ANKRD28: variants seen among roughly 807,000 people sequenced by gnomAD.
The protein encoded by ANKRD28 is ankyrin repeat domain 28, also known as serine/threonine-protein phosphatase 6 regulatory ankyrin repeat subunit A.
A neutral mutation model predicts 126.5 loss-of-function variants in ANKRD28; 44 were observed. That is an observed-to-expected ratio of 0.35 (90% CI 0.27 to 0.45). The LOEUF (loss-of-function observed/expected upper bound fraction) is 0.45, where lower values mean the gene tolerates loss of function less well. ANKRD28 is among the 20% of genes least tolerant of loss of function. The pLI, the probability that ANKRD28 is intolerant of heterozygous loss-of-function variation, is 1.00. For synonymous variants in ANKRD28, 442 were observed against 468.5 expected (o/e 0.94, Z 0.73); for missense variants, 1,110 against 1,316.6 (o/e 0.84, Z 2.43).
chr3:15,751,797 T>G lies in ANKRD28; in HGVS notation c.304A>C (p.Ser102Arg), dbSNP rs2057878356. Residue 102 changes from serine (S) to arginine (R), a missense_variant, in exon 4 of 28, where the codon AGC (serine) becomes CGC (arginine). Coordinates refer to ENST00000683139, the MANE Select transcript of ANKRD28 (RefSeq NM_001349278.2). ...LSGARVNAKD[S>R]KWLTPLHRAV... ...CTGTGTAAAGGTGTCAACCATTTGCTGTCTTTGGCATTAACTCTAGCTCCT... is the reference window on the plus strand; with the variant it reads ...CTGTGTAAAGGTGTCAACCATTTGCGGTCTTTGGCATTAACTCTAGCTCCT... 1 of 1,587,256 alleles carries G rather than the reference T, an allele frequency of 6.3e-7. No individual in the cohort carries two copies.
chr3:15,680,841 A>AT (rs2067465815), intron 21 of ANKRD28, among the ~76,000 whole-genome samples: 1 of 152,020 alleles, frequency 6.6e-6, no homozygotes, highest in African/African-American at 2.4e-5. Flanking sequence ...TAATTTTTTG[A>AT]TATTTTGTAG....
chr3:15,714,449 T>C, intron 9 of ANKRD28, 129 bp downstream of exon 9: 2 of 677,274 alleles, frequency 3.0e-6, no homozygotes, highest in South Asian at 4.1e-5. Flanking sequence ...TCATGAGCTC[T>C]GAAATCATGT....
chr3:15,813,382 A>T (rs966074357), intron 1 of ANKRD28, among the ~76,000 whole-genome samples: 3 of 152,202 alleles, frequency 2.0e-5, no homozygotes, highest in African/African-American at 7.2e-5. Flanking sequence ...AAAAACAAAA[A>T]CCAAAACCCC....
intron 1 of ANKRD28, among the ~76,000 whole-genome samples, chr3:15,836,714 C>A (rs1228593452): frequency 1.3e-5 from 2 of 152,108 alleles, no homozygotes; most frequent in East Asian, 1.9e-4. Flanking sequence ...AAAAAAGTTA[C>A]TGGAGACAAA....
chr3:15,810,601 C>A (rs1341126697), intron 1 of ANKRD28, among the ~76,000 whole-genome samples: 2 of 151,614 alleles, frequency 1.3e-5, no homozygotes, highest in Admixed American at 1.3e-4. Flanking sequence ...ACAAAATAAT[C>A]TTAATTACGT....
At chr3:15,688,827 C>T (rs187821779) in intron 18 of ANKRD28, among the ~76,000 whole-genome samples, 32 of 152,302 alleles carry the variant, frequency 2.1e-4, no homozygotes, top group Admixed American at 3.3e-4. Context: ...CATAATATCA[C>T]AATATGGAAT....
intron 2 of ANKRD28, among the ~76,000 whole-genome samples, chr3:15,780,191 C>T (rs9823153): frequency 0.72 from 109,906 of 151,980 alleles, 39,960 homozygotes; most frequent in East Asian, 0.93. Context: ...CAAAAAATGA[C>T]TGAAACTGAC....
chr3:15,719,723 A>AT (rs575358346), intron 8 of ANKRD28, among the ~76,000 whole-genome samples: 24 of 149,196 alleles, frequency 1.6e-4, no homozygotes, highest in East Asian at 7.9e-4. Context: ...ATAATTTTTA[A>AT]TTTTTTTTTT....
chr3:15,685,026 TGAC>T, intron 21 of ANKRD28, 197 bp downstream of exon 21: 1 of 589,902 alleles, frequency 1.7e-6, no homozygotes, highest in Non-Finnish European at 3.0e-6. Flanking sequence ...AGAACACCTT[TGAC>T]AACTAGTGTC....
chr3:15,776,136 A>G (rs2059255508), intron 2 of ANKRD28, among the ~76,000 whole-genome samples: 1 of 152,226 alleles, frequency 6.6e-6, no homozygotes, highest in Non-Finnish European at 1.5e-5. Context: ...ACTTTACCAT[A>G]TCGTACACTA....
At chr3:15,848,188 GGTGA>G (rs2061566210) in intron 1 of ANKRD28, among the ~76,000 whole-genome samples, 1 of 152,104 alleles carries the variant, frequency 6.6e-6, no homozygotes. Context: ...TTCAAACTTA[GGTGA>G]AAACTCAAAA....
rs572915076 is a variant in ANKRD28 at position 15,785,067 on chromosome 3, C to T, written c.201+10156G>A. Among the ~76,000 whole-genome samples the T allele has an allele frequency of 2.8e-4, 42 of 152,206 alleles. 1 individual carries two copies. In the South Asian group the frequency reaches 8.7e-3, roughly 32 times the overall value. On this transcript the variant is annotated intron_variant, in intron 2 of 27. Coordinates refer to ENST00000683139, the MANE Select transcript of ANKRD28 (RefSeq NM_001349278.2). ...CTACCCATAACCCACATCTCAGCCC[C>T]ATGGCAGGTACCTGTGCCCAAACTA...
intron 1 of ANKRD28, among the ~76,000 whole-genome samples, chr3:15,852,556 G>A (rs543302440): frequency 7.2e-5 from 11 of 152,100 alleles, no homozygotes; most frequent in South Asian, 2.1e-4. Flanking sequence ...AACTTACGCC[G>A]GGCATGGTGG....
intron 4 of ANKRD28, among the ~76,000 whole-genome samples, chr3:15,742,494 C>T (rs1444072701): frequency 4.3e-4 from 60 of 140,820 alleles, no homozygotes; most frequent in African/African-American, 1.4e-3. Flanking sequence ...GGAGACCCTC[C>T]GCCTGGCAAC....
intron 13 of ANKRD28, among the ~76,000 whole-genome samples, chr3:15,709,454 G>T (rs1452518099): frequency 1.3e-5 from 2 of 152,146 alleles, no homozygotes; most frequent in Admixed American, 6.6e-5. Context: ...CCAAGGCTGT[G>T]GTTGGTAGGC....
At chr3:15,757,424 G>T (rs2058222886) in intron 3 of ANKRD28, among the ~76,000 whole-genome samples, 1 of 152,022 alleles carries the variant, frequency 6.6e-6, no homozygotes, top group Admixed American at 6.5e-5. Context: ...ATCCTATTTT[G>T]GAATATTCAG....
chr3:15,692,144 T>TAAA (rs908039642), intron 17 of ANKRD28, among the ~76,000 whole-genome samples: 23 of 98,892 alleles, frequency 2.3e-4, no homozygotes, highest in East Asian at 1.7e-3. Context: ...TATCTCTAAA[T>TAAA]AAAAAAAAAA....
chr3:15,843,361 T>A lies in ANKRD28; in HGVS notation c.27+16016A>T, dbSNP rs913601043. Among the ~76,000 whole-genome samples, 1 of 152,120 alleles carries A rather than the reference T, an allele frequency of 6.6e-6. No individual in the cohort carries two copies. The highest frequency in any genetic ancestry group is 2.4e-5 in the African/African-American group (1 of 41,420). On this transcript the variant is annotated intron_variant, in intron 1 of 27. Coordinates refer to the ANKRD28 transcript ENST00000399451. The surrounding 1 kb of genome is among the most constrained non-coding windows in gnomAD (Gnocchi z 5.2). ...CAATCCCAACACTAAAGATTACATG[T>A]CAACATGAGATGTGGGCAAGAACAC...
intron 4 of ANKRD28, among the ~76,000 whole-genome samples, chr3:15,749,196 C>T (rs1316071378): frequency 1.0e-4 from 15 of 148,234 alleles, no homozygotes; most frequent in African/African-American, 2.8e-4. Flanking sequence ...CTGCAAGCTC[C>T]GCTTCCCGGG....
Sources: allele counts gnomAD v4.1 joint callset (sites outside exome capture counted in the v4.1 genomes callset), GRCh38; gene constraint gnomAD v4.1.1; non-coding constraint Gnocchi (gnomAD v3.1); transcripts MANE v1.5; gene names NCBI Gene and HGNC (gene_info 2026-07-23, HGNC 2026-07-21).